The following RUFY1 variants were observed in gnomAD, a reference collection of about 807,000 sequenced individuals.
RUFY1 encodes RUN and FYVE domain containing 1, also known as RUN and FYVE domain-containing protein 1.
Under a neutral mutation model 94.6 loss-of-function variants are expected in RUFY1, and 54 were observed. That is an observed-to-expected ratio of 0.57 (90% confidence interval 0.46 to 0.72). The LOEUF is 0.72. Ranked by LOEUF, RUFY1 falls within the 30% of genes least tolerant of loss-of-function variation. RUFY1 has a pLI of 0.00. For synonymous variants in RUFY1, 396 were observed against 347.3 expected, an observed-to-expected ratio of 1.14 and a Z score of -1.56; for missense variants, 883 against 883.9, an observed-to-expected ratio of 1.00 and a Z score of 0.01.
chr5:179,568,782 C>A (rs562802681), intron 4 of RUFY1, among the ~76,000 whole-genome samples: 1 of 152,278 alleles, frequency 6.6e-6, no homozygotes, highest in Non-Finnish European at 1.5e-5. Flanking sequence ...GGTACATTAG[C>A]AAGTCATTGC....
intron 1 of RUFY1, among the ~76,000 whole-genome samples, chr5:179,553,587 C>A (rs1444481776): frequency 6.6e-6 from 1 of 151,730 alleles, no homozygotes; most frequent in South Asian, 2.1e-4. Flanking sequence ...AGTTCGAGAC[C>A]AACCTGGCCA....
At chr5:179,605,964 G>T in intron 16 of RUFY1, 40 bp downstream of exon 16, 1 of 1,362,668 alleles carries the variant, frequency 7.3e-7, no homozygotes. Flanking sequence ...CTGTCAGCTT[G>T]TGCTGACTGC....
chr5:179,570,536 C>T (rs1416557206), intron 5 of RUFY1, among the ~76,000 whole-genome samples: 1 of 152,176 alleles, frequency 6.6e-6, no homozygotes, highest in Non-Finnish European at 1.5e-5. Flanking sequence ...AGAGCCAAGG[C>T]CTAAACTCCT....
intron 3 of RUFY1, among the ~76,000 whole-genome samples, chr5:179,564,624 T>A (rs1223816350): frequency 6.7e-6 from 1 of 148,838 alleles, no homozygotes; most frequent in African/African-American, 2.5e-5. Context: ...TGAGCAGAGA[T>A]CACGCCACCA....
chr5:179,607,399 G>A (rs545929016), intron 16 of RUFY1, 183 bp from the exon 17 acceptor site: 13 of 608,636 alleles, frequency 2.1e-5, no homozygotes, highest in Admixed American at 8.7e-5. Flanking sequence ...CAGAAATCCC[G>A]GCTGCGGCCA....
At position 179,609,583 on chromosome 5, in the gene RUFY1, G is replaced by C; in HGVS notation, c.*64G>C. The C allele has an allele frequency of 6.4e-6, 9 of 1,415,534 alleles. No individual in the cohort carries two copies. In the South Asian group the frequency reaches 9.5e-5, roughly 15 times the overall value. The allele number at this position is 1,415,534 out of a possible 1,614,324, so 87.7% of individuals were successfully genotyped here. On this transcript the variant is annotated 3_prime_UTR_variant, in exon 18 of 18. Transcript: ENST00000319449. ...AAACCCTGTGGGTCTCCAGGGGCTT[G>C]GGAAATGTGTTCTTTCCCAAGAGTA... is the stretch of plus-strand genomic sequence containing the variant.
intron 4 of RUFY1, 141 bp downstream of exon 4, chr5:179,567,703 C>G (rs904340133): frequency 1.7e-6 from 1 of 577,024 alleles, no homozygotes; most frequent in Admixed American, 3.1e-5. Flanking sequence ...AGTTCAAGAC[C>G]AGCCTGGCCA....
At chr5:179,601,460 TG>T (rs1161764206) in intron 14 of RUFY1, among the ~76,000 whole-genome samples, 1 of 151,850 alleles carries the variant, frequency 6.6e-6, no homozygotes, top group Non-Finnish European at 1.5e-5. Context: ...TAAGCCACTG[TG>T]CCTGGCCACC....
chr5:179,557,541 T>C (rs925155780), intron 1 of RUFY1, among the ~76,000 whole-genome samples: 1 of 152,224 alleles, frequency 6.6e-6, no homozygotes, highest in Non-Finnish European at 1.5e-5. Context: ...GTATTGCTTA[T>C]TTCATTCACC....
chr5:179,578,717 C>T (rs1763855231), intron 6 of RUFY1, among the ~76,000 whole-genome samples: 1 of 152,138 alleles, frequency 6.6e-6, no homozygotes, highest in South Asian at 2.1e-4. Flanking sequence ...GATCTTGGCT[C>T]ACCGAAACCT....
At chr5:179,588,987 T>C (rs1370357085) in intron 8 of RUFY1, among the ~76,000 whole-genome samples, 1 of 152,174 alleles carries the variant, frequency 6.6e-6, no homozygotes, top group Non-Finnish European at 1.5e-5. Context: ...CACCTCAGCC[T>C]CCCAAAGTGC....
rs1011271294 is a variant in RUFY1, at chr5:179,610,000, CATTT to C, written c.*486_*489del. ...CCTATCATTGGCCCTGCAATAAAAT[CATTT>C]ATTTTTCACTCTGGTGCGTGCAGAA... On this transcript the variant is annotated 3_prime_UTR_variant, in exon 18 of 18. Coordinates refer to ENST00000319449, the MANE Select transcript of RUFY1 (RefSeq NM_025158.5). 1 of 153,436 alleles carries C rather than the reference CATTT, an allele frequency of 6.5e-6. No homozygotes were observed. The highest frequency in any genetic ancestry group is 2.4e-5 in the African/African-American group (1 of 41,458). The allele number at this position is 153,436 out of a possible 1,614,324, so 9.5% of individuals were successfully genotyped here. A position where few individuals can be genotyped will look rare whatever the true frequency, so the allele number is the denominator to read the frequency against.
intron 15 of RUFY1, among the ~76,000 whole-genome samples, chr5:179,605,468 A>G (rs72824528): frequency 0.09 from 13,654 of 152,194 alleles, 697 homozygotes; most frequent in Middle Eastern, 0.13. Context: ...CCCCTTCCAG[A>G]CAGCAGGCAG....
At chr5:179,589,127 C>G (rs1044115765) in intron 8 of RUFY1, among the ~76,000 whole-genome samples, 1 of 152,088 alleles carries the variant, frequency 6.6e-6, no homozygotes, top group African/African-American at 2.4e-5. Context: ...AGTATTATAT[C>G]TTAAGTATGT....
rs145796576 is a variant in RUFY1, at chr5:179,581,022, C to CTT, written c.956+18_956+19dup. ...TTAACCGGCACTTGAGGTAAGACTC[C>CTT]TTTTTTTTTCAATGTGACAGTTACA... is the stretch of plus-strand genomic sequence containing the variant. On this transcript the variant is annotated intron_variant, in intron 7 of 17. Coordinates refer to ENST00000319449, the MANE Select transcript of RUFY1 (RefSeq NM_025158.5). The CTT allele has an allele frequency of 5.3e-4, 810 of 1,538,942 alleles. 2 individuals carry two copies. The African/African-American group carries it at 8.1e-3, about 15-fold the overall frequency.
At chr5:179,568,842 G>A (rs756257214) in intron 4 of RUFY1, among the ~76,000 whole-genome samples, 7 of 152,166 alleles carry the variant, frequency 4.6e-5, no homozygotes, top group Admixed American at 1.3e-4. Flanking sequence ...GCAAATGGCC[G>A]CGATAACTGG....
At chr5:179,601,014 T>C (rs79292788) in intron 14 of RUFY1, among the ~76,000 whole-genome samples, 2,142 of 151,936 alleles carry the variant, frequency 0.014, 61 homozygotes, top group African/African-American at 0.047. Flanking sequence ...CTATTTTTAA[T>C]GTGGCTGATG....
At chr5:179,579,657 C>CTTTTTCTTTTTTTTTTTTTTTTTTT (rs1554118792) in intron 6 of RUFY1, among the ~76,000 whole-genome samples, 13 of 50,566 alleles carry the variant, frequency 2.6e-4, no homozygotes, top group Admixed American at 3.8e-4. Flanking sequence ...TTTTCTTCTT[C>CTTTTTCTTTTTTTTTTTTTTTTTTT]TTTTTTTTTT....
intron 13 of RUFY1, among the ~76,000 whole-genome samples, chr5:179,597,918 G>A (rs1018963859): frequency 1.7e-4 from 26 of 152,194 alleles, no homozygotes; most frequent in Admixed American, 9.8e-4. Flanking sequence ...GGCCGGGCGC[G>A]GTGGCTCACG....
Sources: allele counts gnomAD v4.1 joint callset (sites outside exome capture counted in the v4.1 genomes callset), GRCh38; gene constraint gnomAD v4.1.1; transcripts MANE v1.5; gene names NCBI Gene and HGNC (gene_info 2026-07-23, HGNC 2026-07-21).